TBC1D19: variants seen among roughly 807,000 people sequenced by gnomAD.
TBC1D19 encodes TBC1 domain family member 19.
TBC1D19 carries 60 observed loss-of-function variants against 89.0 expected under a neutral mutation model. That is an observed-to-expected ratio of 0.67 (90% CI 0.55 to 0.84). The LOEUF is 0.84. TBC1D19 is among the 40% of genes least tolerant of loss of function. TBC1D19 has a pLI of 0.00. For synonymous variants in TBC1D19, 189 were observed against 199.7 expected, an observed-to-expected ratio of 0.95 and a Z score of 0.45; for missense variants, 500 against 610.8, an observed-to-expected ratio of 0.82 and a Z score of 1.91.
chr4:26,714,882 T>A (rs1716485011), intron 13 of TBC1D19, among the ~76,000 whole-genome samples: 1 of 152,060 alleles, frequency 6.6e-6, no homozygotes, highest in African/African-American at 2.4e-5. Flanking sequence ...TCACAGAGCA[T>A]CATGGTAAAT....
chr4:26,583,957 TC>T (rs1739244839), upstream of TBC1D19: 1 of 546,210 alleles, frequency 1.8e-6, no homozygotes, highest in African/African-American at 1.9e-5. Flanking sequence ...GTGAAAAGCG[TC>T]CTCCCCGCCC....
At chr4:26,650,584 T>C (rs187664230) in intron 7 of TBC1D19, among the ~76,000 whole-genome samples, 5 of 152,272 alleles carry the variant, frequency 3.3e-5, no homozygotes, top group African/African-American at 9.6e-5. Flanking sequence ...TGTAAATTTA[T>C]TTGAGTTCAT....
chr4:26,590,508 G>A (rs1739700317), intron 1 of TBC1D19, among the ~76,000 whole-genome samples: 1 of 152,088 alleles, frequency 6.6e-6, no homozygotes, highest in African/African-American at 2.4e-5. Flanking sequence ...TTTGCCATAA[G>A]AGTGTTATGA....
chr4:26,824,188 A>C, the TBC1D19 span, among the ~76,000 whole-genome samples: 1 of 152,250 alleles, frequency 6.6e-6, no homozygotes, highest in Non-Finnish European at 1.5e-5. Flanking sequence ...ATTCCTGAAC[A>C]TGCAGCAATA....
chr4:26,786,302 A>C, the TBC1D19 span, among the ~76,000 whole-genome samples: 2 of 152,160 alleles, frequency 1.3e-5, no homozygotes, highest in Non-Finnish European at 2.9e-5. Context: ...TTTGTGAGGG[A>C]CACCAGATCC....
At position 26,628,719 on chromosome 4, in the gene TBC1D19, A is replaced by G. The variant is rs565723210; in HGVS notation, c.294+8031A>G. 1.2e-4 allele frequency among the ~76,000 whole-genome samples: 19 copies of G among 152,132 alleles called. No homozygotes were observed. The East Asian group carries it at 2.5e-3, about 20-fold the overall frequency. Reference sequence around the variant, plus strand: ...AAGCATTCTTATACACCAATAACAGACAAACAGAGAGCCAAATCATGAGTG... The same window carrying G: ...AAGCATTCTTATACACCAATAACAGGCAAACAGAGAGCCAAATCATGAGTG... On this transcript the variant is annotated intron_variant, in intron 4 of 20. Coordinates refer to ENST00000264866, the MANE Select transcript of TBC1D19 (RefSeq NM_018317.4).
chr4:26,734,973 T>TACACATATGTATATGTATATATGTAC, intron 15 of TBC1D19, among the ~76,000 whole-genome samples: 1 of 151,028 alleles, frequency 6.6e-6, no homozygotes, highest in Non-Finnish European at 1.5e-5. Context: ...TATATATGTA[T>TACACATATGTATATGTATATATGTAC]ACACATATGT....
At chr4:26,621,408 GTCAGTCGACCTTCATTCT>G (rs2110034990) in intron 4 of TBC1D19, among the ~76,000 whole-genome samples, 1 of 152,204 alleles carries the variant, frequency 6.6e-6, no homozygotes, top group Non-Finnish European at 1.5e-5. Flanking sequence ...GAGCACCACA[GTCAGTCGACCTTCATTCT>G]TCAGCATAGC....
At chr4:26,583,416 T>C (rs1371349236), upstream of TBC1D19, among the ~76,000 whole-genome samples, 4 of 152,322 alleles carry the variant, frequency 2.6e-5, no homozygotes, top group East Asian at 3.9e-4. Context: ...TGAATGAATA[T>C]ACGGAAGAGG....
the TBC1D19 span, among the ~76,000 whole-genome samples, chr4:26,799,504 A>T: frequency 6.6e-6 from 1 of 152,226 alleles, no homozygotes; most frequent in African/African-American, 2.4e-5. Context: ...CTACGATCTG[A>T]ATTTTAAGTG....
chr4:26,604,014 A>G (rs1740798180), intron 1 of TBC1D19, among the ~76,000 whole-genome samples: 1 of 152,114 alleles, frequency 6.6e-6, no homozygotes, highest in South Asian at 2.1e-4. Flanking sequence ...GTCTGTCTCT[A>G]TGAATTTAAC....
chr4:26,720,088 A>G lies in TBC1D19; in HGVS notation c.1047A>G (p.Leu349=), dbSNP rs760006938. The part of the protein sequence containing the change: ...SPPKSYIRGK[L]GLEEYAVFYP... ...TATGGTTTTCTCTTATAGGAAAACT[A>G]GGACTGGAAGAATATGCTGTCTTTT... Residue 349 remains leucine, a synonymous_variant, in exon 15 of 21, where the codon CTA becomes CTG. Coordinates refer to ENST00000264866, the MANE Select transcript of TBC1D19 (RefSeq NM_018317.4). 6.2e-7 allele frequency: 1 copy of G among 1,603,240 alleles called. No homozygotes were observed. The highest frequency in any genetic ancestry group is 8.5e-7 in the Non-Finnish European group (1 of 1,174,454).
chr4:26,856,654 A>G, the TBC1D19 span, among the ~76,000 whole-genome samples: 2 of 152,182 alleles, frequency 1.3e-5, no homozygotes, highest in African/African-American at 2.4e-5. Context: ...CTTTTTGATA[A>G]TAGCCATCAT....
chr4:26,842,682 T>C, the TBC1D19 span, among the ~76,000 whole-genome samples: 1 of 128,966 alleles, frequency 7.8e-6, no homozygotes, highest in Non-Finnish European at 1.6e-5. Context: ...CTTATTTTTT[T>C]GTAAAGATGG....
the TBC1D19 span, among the ~76,000 whole-genome samples, chr4:26,766,472 G>A: frequency 1.3e-5 from 2 of 152,188 alleles, no homozygotes; most frequent in Non-Finnish European, 2.9e-5. Flanking sequence ...CAACCACTGT[G>A]TGAGGACACC....
the TBC1D19 span, among the ~76,000 whole-genome samples, chr4:26,826,837 A>G: frequency 2.0e-5 from 3 of 152,162 alleles, no homozygotes; most frequent in Admixed American, 2.0e-4. Context: ...AGCATGGAGG[A>G]AAGTGAAGTG....
chr4:26,844,327 A>G, the TBC1D19 span, among the ~76,000 whole-genome samples: 3 of 152,326 alleles, frequency 2.0e-5, no homozygotes, highest in South Asian at 2.1e-4. Context: ...GGAAAACCCA[A>G]CCTCCAACAT....
Position 26,738,157 on chromosome 4 carries a change from A to G in TBC1D19, c.1118-1707A>G, listed in dbSNP as rs556877546. 5.7e-4 allele frequency among the ~76,000 whole-genome samples: 86 copies of G among 151,602 alleles called. No individual in the cohort carries two copies. The South Asian group carries it at 9.2e-3, about 16-fold the overall frequency. ...TAAAGCTTTTCCATTTCATAGCTAT[A>G]TAAAGGAATTCAACATAAACAACTG... On this transcript the variant is annotated intron_variant, in intron 16 of 20. Transcript: ENST00000264866.
chr4:26,607,815 T>TA (rs1361124362), intron 1 of TBC1D19, among the ~76,000 whole-genome samples: 5 of 152,224 alleles, frequency 3.3e-5, no homozygotes. Flanking sequence ...GGACACTTCT[T>TA]ACAAATGCAT....
Sources: gnomAD v4.1 joint callset for allele counts (sites outside exome capture counted in the v4.1 genomes callset) on GRCh38, gnomAD v4.1.1 for gene constraint, MANE v1.5 for transcripts, NCBI Gene and HGNC (gene_info 2026-07-23, HGNC 2026-07-21) for gene names.